FSTL1: variants seen among roughly 807,000 people sequenced by gnomAD.
FSTL1 encodes follistatin like 1.
FSTL1 carries 24 observed loss-of-function variants against 45.9 expected under a neutral mutation model. The ratio of observed to expected loss-of-function variants is 0.52; its 90% CI spans 0.38 to 0.74. FSTL1 has a LOEUF of 0.74. Among genes scored for constraint, FSTL1 ranks in the 30% least tolerant of loss-of-function variants. The pLI is 0.00. For missense variants in FSTL1, 340 were observed against 381.8 expected (o/e 0.89, Z 0.91); for synonymous variants, 120 against 137.6 (o/e 0.87, Z 0.89).
At chr3:120,449,166 G>T (rs1937825105) in intron 2 of FSTL1, among the ~76,000 whole-genome samples, 1 of 152,220 alleles carries the variant, frequency 6.6e-6, no homozygotes, top group Non-Finnish European at 1.5e-5. Flanking sequence ...AGAGAGGTAG[G>T]TTCAGATCCT....
At chr3:120,434,474 A>G (rs991990278) in intron 2 of FSTL1, among the ~76,000 whole-genome samples, 1 of 152,224 alleles carries the variant, frequency 6.6e-6, no homozygotes, top group Non-Finnish European at 1.5e-5. Context: ...GGGGTCACAT[A>G]TAAATAGATC....
intron 2 of FSTL1, among the ~76,000 whole-genome samples, chr3:120,443,924 G>T (rs1220810693): frequency 1.3e-5 from 2 of 150,058 alleles, no homozygotes; most frequent in African/African-American, 5.1e-5. Context: ...CTATTAGCAA[G>T]TTATTGCCAG....
Position 120,403,276 on chromosome 3 carries a change from C to A in FSTL1, c.660G>T (p.Lys220Asn). 1 of 1,610,618 alleles carries A rather than the reference C, an allele frequency of 6.2e-7. No individual in the cohort carries two copies. Among genetic ancestry groups the A allele is most frequent in the East Asian group, 2.2e-5 (1 of 44,866 alleles). The change falls in exon 8 of 11, where the codon AAG becomes AAT. Residue 220 changes from lysine (K) to asparagine (N), a missense_variant. Transcript: ENST00000295633. ...GAGGGTTGAAAGATGGGTTGAGGCA[C>A]TTGAGAAACTCTTGGAAGCTGAGTT... ...DWKLSFQEFL[K>N]CLNPSFNPPE...
In FSTL1 at chr3:120,450,932, A is replaced by G. The variant is rs1937886266; in HGVS notation, c.-36T>C. On this transcript the variant is annotated 5_prime_UTR_variant, in exon 1 of 11. Coordinates refer to ENST00000295633, the MANE Select transcript of FSTL1 (RefSeq NM_007085.5). ...TCCAGGTCTCCTGGGGGCGCGGGGC[A>G]GGACGGCGGCAGCGAGCTGTAAGCG... 4.1e-6 allele frequency: 2 copies of G among 483,210 alleles called. No individual in the cohort carries two copies. Among genetic ancestry groups the G allele is most frequent in the Non-Finnish European group, 7.3e-6 (2 of 274,758 alleles). 29.9% of individuals were successfully genotyped at this position (483,210 alleles called of 1,614,324 possible). A position where few individuals can be genotyped will look rare whatever the true frequency, so the allele number is the denominator to read the frequency against.
chr3:120,395,703 G>C lies in FSTL1; in HGVS notation c.*1249C>G. On this transcript the variant is annotated 3_prime_UTR_variant, in exon 11 of 11. Coordinates refer to ENST00000295633, the MANE Select transcript of FSTL1 (RefSeq NM_007085.5). The stretch of plus-strand genomic sequence containing the variant: ...TATAGAGAAGAAGGAAAAATCACAG[G>C]AACCTATCTCCCCTCTGGACCAATG... 1 of 534,570 alleles carries C rather than the reference G, an allele frequency of 1.9e-6. No individual in the cohort carries two copies. Among genetic ancestry groups the C allele is most frequent in the Middle Eastern group, 3.2e-4 (1 of 3,114 alleles). 33.1% of individuals were successfully genotyped at this position (534,570 alleles called of 1,614,324 possible).
chr3:120,425,085 C>T (rs977090430), intron 2 of FSTL1, among the ~76,000 whole-genome samples: 1 of 152,178 alleles, frequency 6.6e-6, no homozygotes, highest in Admixed American at 6.5e-5. Context: ...GGTCTCTGTG[C>T]AAATCAGAAA....
At chr3:120,447,017 CA>C (rs781416839) in intron 2 of FSTL1, among the ~76,000 whole-genome samples, 2 of 152,260 alleles carry the variant, frequency 1.3e-5, no homozygotes, top group East Asian at 3.9e-4. Context: ...ATAGTGACAG[CA>C]GAGACATCCA....
intron 3 of FSTL1, among the ~76,000 whole-genome samples, chr3:120,414,702 T>A (rs1007642755): frequency 6.6e-6 from 1 of 151,632 alleles, no homozygotes; most frequent in African/African-American, 2.4e-5. Context: ...CCCAACCCTG[T>A]GCTCTCTGAA....
At chr3:120,426,888 A>G (rs1937392116) in intron 2 of FSTL1, among the ~76,000 whole-genome samples, 1 of 152,118 alleles carries the variant, frequency 6.6e-6, no homozygotes, top group South Asian at 2.1e-4. Context: ...TCCACTTCTT[A>G]GGGACCCTGG....
At chr3:120,397,081 G>T in intron 10 of FSTL1, 85 bp from the exon 11 acceptor site, 2 of 1,069,214 alleles carry the variant, frequency 1.9e-6, no homozygotes, top group Non-Finnish European at 2.9e-6. Flanking sequence ...ATATAGCATT[G>T]GCATTTACAA....
At chr3:120,422,726 G>C (rs987957075) in intron 2 of FSTL1, among the ~76,000 whole-genome samples, 2 of 150,348 alleles carry the variant, frequency 1.3e-5, no homozygotes, top group Non-Finnish European at 3.0e-5. Flanking sequence ...ATGGAGTCTC[G>C]CTCTGGTGCC....
Position 120,395,407 on chromosome 3 carries a change from A to G in FSTL1, c.*1545T>C, listed in dbSNP as rs2107646541. Reference sequence around the variant, plus strand: ...TCCCCAAGTCACAGTTTTAGGATTAAATCTCCATTTTCTTCCCCCTGTTGA... The same window carrying G: ...TCCCCAAGTCACAGTTTTAGGATTAGATCTCCATTTTCTTCCCCCTGTTGA... On this transcript the variant is annotated 3_prime_UTR_variant, in exon 11 of 11. Transcript: ENST00000295633. 1 of 335,176 alleles carries G rather than the reference A, an allele frequency of 3.0e-6. No individual in the cohort carries two copies. The highest frequency in any genetic ancestry group is 2.2e-5 in the African/African-American group (1 of 45,818). The allele number at this position is 335,176 out of a possible 1,614,324, so 20.8% of individuals were successfully genotyped here.
chr3:120,433,038 A>T (rs1037269288), intron 2 of FSTL1, among the ~76,000 whole-genome samples: 3 of 152,254 alleles, frequency 2.0e-5, no homozygotes, highest in Admixed American at 2.0e-4. Flanking sequence ...CCAAAAAAGT[A>T]AAGGCTTCAG....
At chr3:120,421,182 T>C (rs1368121738) in intron 2 of FSTL1, 4 of 152,202 alleles carry the variant, frequency 2.6e-5, no homozygotes, top group Non-Finnish European at 4.4e-5. Context: ...CATAAAACTG[T>C]CAGTTTAATA....
At chr3:120,434,232 T>G (rs563275179) in intron 2 of FSTL1, among the ~76,000 whole-genome samples, 131 of 152,276 alleles carry the variant, frequency 8.6e-4, no homozygotes, top group African/African-American at 3.1e-3. Context: ...GCTGATAGAC[T>G]GGGTATGAAC....
intron 2 of FSTL1, among the ~76,000 whole-genome samples, chr3:120,428,541 T>C (rs1401139054): frequency 6.6e-6 from 1 of 152,172 alleles, no homozygotes; most frequent in Non-Finnish European, 1.5e-5. Context: ...GAGACCAGCC[T>C]GGCCAACATG....
chr3:120,400,049 C>G, intron 9 of FSTL1, 90 bp from the exon 10 acceptor site: 2 of 843,422 alleles, frequency 2.4e-6, no homozygotes, highest in Non-Finnish European at 4.0e-6. Flanking sequence ...CTCAATTCAT[C>G]TCCCATTTAA....
chr3:120,446,173 T>G (rs373291412), intron 2 of FSTL1, among the ~76,000 whole-genome samples: 14 of 152,340 alleles, frequency 9.2e-5, no homozygotes, highest in African/African-American at 3.4e-4. Context: ...TTCTCATATG[T>G]GATCACTGGT....
Position 120,393,736 on chromosome 3 carries a change from A to G in FSTL1, c.*3216T>C, listed in dbSNP as rs568625238. The stretch of plus-strand genomic sequence containing the variant: ...TTCATATGTTAAAATTGAATCCCCA[A>G]AGCAATGGTATTGAGAGGTGAGGCT... On this transcript the variant is annotated 3_prime_UTR_variant, in exon 11 of 11. Coordinates refer to ENST00000295633, the MANE Select transcript of FSTL1 (RefSeq NM_007085.5). 11 of 152,296 alleles carry G rather than the reference A, an allele frequency of 7.2e-5. No individual in the cohort carries two copies. In the South Asian group the frequency reaches 2.3e-3, roughly 32 times the overall value. The allele number at this position is 152,296 out of a possible 1,614,324, so 9.4% of individuals were successfully genotyped here.
Sources: gnomAD v4.1 joint callset for allele counts (sites outside exome capture counted in the v4.1 genomes callset) on GRCh38, gnomAD v4.1.1 for gene constraint, MANE v1.5 for transcripts, NCBI Gene and HGNC (gene_info 2026-07-23, HGNC 2026-07-21) for gene names.